Variants in NEGR1 observed in about 807,000 individuals in gnomAD.
NEGR1 encodes neuronal growth regulator 1, also known as IgLON family member 4.
NEGR1 carries 10 observed loss-of-function variants against 40.9 expected under a neutral mutation model. That is an observed-to-expected ratio of 0.24 (90% CI 0.15 to 0.42). NEGR1 has a LOEUF of 0.42. Among genes scored for constraint, NEGR1 ranks in the 10% least tolerant of loss-of-function variants. The pLI is 1.00. For synonymous variants in NEGR1, 185 were observed against 166.8 expected (o/e 1.11, Z -0.84); for missense variants, 352 against 438.9 (o/e 0.80, Z 1.77).
At chr1:72,063,161 A>G (rs975520386) in intron 1 of NEGR1, among the ~76,000 whole-genome samples, 1 of 152,014 alleles carries the variant, frequency 6.6e-6, no homozygotes, top group African/African-American at 2.4e-5. Flanking sequence ...ATCAATTTAT[A>G]TATTTTGAAA....
intron 6 of NEGR1, among the ~76,000 whole-genome samples, chr1:71,581,234 C>T (rs1199209312): frequency 2.6e-5 from 4 of 152,024 alleles, no homozygotes; most frequent in African/African-American, 9.7e-5. Context: ...AATGTTTATA[C>T]CATGGAAACC....
chr1:72,024,958 G>A, intron 1 of NEGR1, among the ~76,000 whole-genome samples: 1 of 152,106 alleles, frequency 6.6e-6, no homozygotes, highest in East Asian at 1.9e-4. Context: ...AATTGGTTCT[G>A]CCTTTTGGGT....
At chr1:71,999,529 T>G (rs1197427171) in intron 1 of NEGR1, among the ~76,000 whole-genome samples, 1 of 150,088 alleles carries the variant, frequency 6.7e-6, no homozygotes, top group Non-Finnish European at 1.5e-5. Flanking sequence ...CAAGCATCTA[T>G]TTTCACTTAG....
intron 6 of NEGR1, among the ~76,000 whole-genome samples, chr1:71,456,145 AGGT>A: frequency 6.6e-6 from 1 of 152,358 alleles, no homozygotes; most frequent in Admixed American, 6.5e-5. Flanking sequence ...GTACTTGCTT[AGGT>A]ACAACAAAGA....
At chr1:71,809,834 T>C (rs1657924230) in intron 2 of NEGR1, among the ~76,000 whole-genome samples, 1 of 152,096 alleles carries the variant, frequency 6.6e-6, no homozygotes, top group African/African-American at 2.4e-5. Context: ...TACAAGTACA[T>C]AAATTTAATA....
chr1:71,691,037 T>C (rs1313897634), intron 4 of NEGR1, among the ~76,000 whole-genome samples: 1 of 151,974 alleles, frequency 6.6e-6, no homozygotes, highest in Non-Finnish European at 1.5e-5. Context: ...AGATCACTCA[T>C]AGACCCTTAA....
intron 1 of NEGR1, among the ~76,000 whole-genome samples, chr1:72,115,183 T>C (rs755603680): frequency 3.7e-4 from 55 of 150,314 alleles, no homozygotes; most frequent in Non-Finnish European, 3.9e-4. Flanking sequence ...CTGTGAAAAA[T>C]GCGTTAATTG....
intron 1 of NEGR1, among the ~76,000 whole-genome samples, chr1:72,233,986 T>G (rs889087498): frequency 3.9e-5 from 6 of 152,076 alleles, no homozygotes; most frequent in Non-Finnish European, 7.4e-5. Context: ...TTAAAAAAAA[T>G]TATCTTTTAT....
intron 6 of NEGR1, among the ~76,000 whole-genome samples, chr1:71,532,083 A>G (rs1028868130): frequency 1.3e-5 from 2 of 151,502 alleles, no homozygotes; most frequent in African/African-American, 4.8e-5. Flanking sequence ...AGTTACAAGA[A>G]ATCCCTATGA....
At position 72,102,387 on chromosome 1, in the gene NEGR1, G is replaced by A. The variant is rs11209911; in HGVS notation, c.177-167076C>T. On this transcript the variant is annotated intron_variant, in intron 1 of 6. Transcript: ENST00000357731. ...ATTAAAATGCTACATTAAAAAAAGT[G>A]CCAATTTAGCATAAATACTGTAGTT... is the stretch of plus-strand genomic sequence containing the variant. 7.7e-3 allele frequency among the ~76,000 whole-genome samples: 1,170 copies of A among 151,946 alleles called. 15 individuals carry two copies. Among genetic ancestry groups the A allele is most frequent in the African/African-American group, 0.027 (1,130 of 41,464 alleles).
At chr1:71,570,771 C>G (rs1403018638) in intron 6 of NEGR1, among the ~76,000 whole-genome samples, 2 of 152,054 alleles carry the variant, frequency 1.3e-5, no homozygotes, top group Non-Finnish European at 2.9e-5. Flanking sequence ...AACAAGTCAT[C>G]ATAGTTTATA....
chr1:72,270,611 C>A (rs1655810148), intron 1 of NEGR1, among the ~76,000 whole-genome samples: 1 of 151,860 alleles, frequency 6.6e-6, no homozygotes, highest in South Asian at 2.1e-4. Context: ...TTCTAAACTG[C>A]CACAAATGTT....
chr1:71,483,267 C>T (rs757194471), intron 6 of NEGR1, among the ~76,000 whole-genome samples: 3 of 151,464 alleles, frequency 2.0e-5, no homozygotes, highest in African/African-American at 4.8e-5. Flanking sequence ...AGAAATATGA[C>T]GGTATGAGAC....
chr1:71,663,707 C>A (rs1336865779), intron 4 of NEGR1, among the ~76,000 whole-genome samples: 1 of 152,084 alleles, frequency 6.6e-6, no homozygotes, highest in Non-Finnish European at 1.5e-5. Context: ...CTGTCTTTGC[C>A]TATTTTTAAA....
chr1:72,152,975 T>C (rs1160804799), intron 1 of NEGR1, among the ~76,000 whole-genome samples: 2 of 151,766 alleles, frequency 1.3e-5, no homozygotes, highest in Non-Finnish European at 2.9e-5. Context: ...ACACTGGAGA[T>C]TACTGAGAGA....
At chr1:71,898,475 C>T (rs1277200319) in intron 2 of NEGR1, among the ~76,000 whole-genome samples, 1 of 151,974 alleles carries the variant, frequency 6.6e-6, no homozygotes, top group African/African-American at 2.4e-5. Context: ...ATTAGCCGGG[C>T]GTAGTGGCGG....
At chr1:72,278,546 C>T (rs1396765997) in intron 1 of NEGR1, among the ~76,000 whole-genome samples, 1 of 151,918 alleles carries the variant, frequency 6.6e-6, no homozygotes, top group Non-Finnish European at 1.5e-5. Context: ...AAAGTGACTG[C>T]AAAATGATTT....
intron 6 of NEGR1, among the ~76,000 whole-genome samples, chr1:71,429,859 T>G (rs745842982): frequency 3.3e-5 from 5 of 152,230 alleles, no homozygotes; most frequent in Non-Finnish European, 7.3e-5. Context: ...AAATATACTT[T>G]ATGGATTACC....
At chr1:71,779,340 A>C (rs1057244161) in intron 2 of NEGR1, among the ~76,000 whole-genome samples, 1 of 152,210 alleles carries the variant, frequency 6.6e-6, no homozygotes, top group Non-Finnish European at 1.5e-5. Context: ...TGCCCTCAAG[A>C]AATTTAAATT....
Sources: allele counts gnomAD v4.1 joint callset (sites outside exome capture counted in the v4.1 genomes callset), GRCh38; gene constraint gnomAD v4.1.1; transcripts MANE v1.5; gene names NCBI Gene and HGNC (gene_info 2026-07-23, HGNC 2026-07-21).